MEGF6: variants seen among roughly 807,000 people sequenced by gnomAD.
MEGF6 encodes the protein multiple EGF like domains 6.
A neutral mutation model predicts 207.1 loss-of-function variants in MEGF6; 184 were observed. The observed-to-expected ratio is 0.89, with a 90% CI of 0.79 to 1.00. The LOEUF (loss-of-function observed/expected upper bound fraction) is 1.00, where lower values mean the gene tolerates loss of function less well. MEGF6 is among the 50% of genes least tolerant of loss of function. The pLI is 0.00. For synonymous variants in MEGF6, 1,038 were observed against 910.0 expected (o/e 1.14, Z -2.53); for missense variants, 2,282 against 2,202.9 (o/e 1.04, Z -0.72).
intron 4 of MEGF6, among the ~76,000 whole-genome samples, chr1:3,538,846 G>A (rs956785517): frequency 3.9e-5 from 6 of 152,128 alleles, no homozygotes; most frequent in Admixed American, 6.5e-5. Flanking sequence ...GCACCCGCTG[G>A]GGATGTAGCC....
At chr1:3,511,961 T>C (rs752598866) in intron 8 of MEGF6, 45 bp downstream of exon 8, 13 of 1,610,586 alleles carry the variant, frequency 8.1e-6, no homozygotes, top group Non-Finnish European at 1.1e-5. Context: ...GGGAGCAGCA[T>C]GGCCATCCCG....
intron 4 of MEGF6, among the ~76,000 whole-genome samples, chr1:3,541,741 G>A (rs74518309): frequency 0.01 from 1,525 of 152,086 alleles, 18 homozygotes; most frequent in Middle Eastern, 0.051. Flanking sequence ...GTGAAAGGCC[G>A]AGCCCACAGT....
In MEGF6 at chr1:3,494,104, C is replaced by G; in HGVS notation, c.4150G>C (p.Gly1384Arg). ...CAGCACAACCCCTGGCAGCCAGCCC[C>G]GTGGAAGCCAGGGGGACAGGCTGAA... The part of the protein sequence containing the change: ...CEHPCPPGFH[G>R]AGCQGLCWCQ... The change falls in exon 33 of 37, where the codon GGG (glycine) becomes CGG (arginine). Residue 1384 changes from glycine (G) to arginine (R), a missense_variant. Gly to Arg is a moderately radical substitution (Grantham distance 125). Coordinates refer to ENST00000356575, the MANE Select transcript of MEGF6 (RefSeq NM_001409.4). 1 of 1,577,896 alleles carries G rather than the reference C, an allele frequency of 6.3e-7. No homozygotes were observed. Among genetic ancestry groups the G allele is most frequent in the Non-Finnish European group, 8.6e-7 (1 of 1,160,816 alleles).
chr1:3,595,227 C>G (rs905487683), intron 3 of MEGF6, 111 bp downstream of exon 3: 1 of 707,950 alleles, frequency 1.4e-6, no homozygotes. Flanking sequence ...CTGAGTCTCT[C>G]GTGTTGCTGG....
At chr1:3,584,019 T>C (rs947326091) in intron 3 of MEGF6, among the ~76,000 whole-genome samples, 1 of 152,228 alleles carries the variant, frequency 6.6e-6, no homozygotes, top group African/African-American at 2.4e-5. Flanking sequence ...CCGTGGCCAT[T>C]TGCCAGCTGC....
intron 5 of MEGF6, among the ~76,000 whole-genome samples, chr1:3,517,126 G>C (rs1326785219): frequency 6.6e-6 from 1 of 152,236 alleles, no homozygotes; most frequent in Non-Finnish European, 1.5e-5. Flanking sequence ...GTTCACCGCA[G>C]CAACAGCACC....
upstream of MEGF6, among the ~76,000 whole-genome samples, chr1:3,612,965 G>A (rs1438587887): frequency 6.6e-6 from 1 of 152,212 alleles, no homozygotes; most frequent in Non-Finnish European, 1.5e-5. Context: ...CTTGTGAACT[G>A]CAGATCCGGG....
At chr1:3,515,129 C>G (rs554640749) in intron 6 of MEGF6, among the ~76,000 whole-genome samples, 10 of 152,224 alleles carry the variant, frequency 6.6e-5, no homozygotes, top group Non-Finnish European at 1.0e-4. Flanking sequence ...CAAAGCCCCC[C>G]CTTTCCACGC....
chr1:3,504,887 G>A (rs1298444653), intron 17 of MEGF6, among the ~76,000 whole-genome samples: 2 of 152,228 alleles, frequency 1.3e-5, no homozygotes, highest in African/African-American at 4.8e-5. Context: ...AGCCCAGTCT[G>A]TTCTGGTCAA....
At chr1:3,520,212 A>C (rs1641692283) in intron 5 of MEGF6, among the ~76,000 whole-genome samples, 1 of 152,214 alleles carries the variant, frequency 6.6e-6, no homozygotes, top group Non-Finnish European at 1.5e-5. Flanking sequence ...GGGAACAGCC[A>C]TGTCCAAGGC....
the MEGF6 span, among the ~76,000 whole-genome samples, chr1:3,620,455 G>A: frequency 2.6e-5 from 4 of 152,238 alleles, no homozygotes; most frequent in Admixed American, 6.5e-5. Flanking sequence ...GGCGGAGCCC[G>A]TAGGTGTGCA....
At chr1:3,619,562 TAGTC>T in the MEGF6 span, among the ~76,000 whole-genome samples, 1 of 149,268 alleles carries the variant, frequency 6.7e-6, no homozygotes, top group African/African-American at 2.5e-5. Context: ...GTTCTCGTGA[TAGTC>T]AGTTCTCAGG....
chr1:3,528,134 C>T (rs1287450676), intron 4 of MEGF6, among the ~76,000 whole-genome samples: 2 of 152,230 alleles, frequency 1.3e-5, no homozygotes, highest in African/African-American at 4.8e-5. Context: ...GATTTGGGGC[C>T]TCCCACTTGG....
chr1:3,596,834 G>A (rs970863812), intron 2 of MEGF6, among the ~76,000 whole-genome samples: 1 of 152,056 alleles, frequency 6.6e-6, no homozygotes, highest in African/African-American at 2.4e-5. Flanking sequence ...CACCCTGAGT[G>A]GGACAGCTAC....
At chr1:3,564,655 C>T (rs1036106567) in intron 4 of MEGF6, among the ~76,000 whole-genome samples, 2 of 152,166 alleles carry the variant, frequency 1.3e-5, no homozygotes, top group African/African-American at 4.8e-5. Context: ...CCGCCTTCCT[C>T]GACCTCCAAT....
intron 3 of MEGF6, among the ~76,000 whole-genome samples, chr1:3,586,175 TG>T (rs1365418149): frequency 6.7e-6 from 1 of 149,938 alleles, no homozygotes; most frequent in Admixed American, 6.6e-5. Context: ...GTCCTGTGTG[TG>T]GGTGTGAGTG....
At chr1:3,505,387 C>T (rs766690037) in intron 16 of MEGF6, 35 bp downstream of exon 16, 51 of 1,596,586 alleles carry the variant, frequency 3.2e-5, no homozygotes, top group Middle Eastern at 1.7e-4. Flanking sequence ...CCGACCCTGG[C>T]GCCCCCCGCC....
At chr1:3,605,749 CACTT>C (rs1258889543) in intron 1 of MEGF6, among the ~76,000 whole-genome samples, 5 of 152,050 alleles carry the variant, frequency 3.3e-5, no homozygotes, top group African/African-American at 4.8e-5. Flanking sequence ...CACACACACT[CACTT>C]ACACACTTTG....
rs553575884 is a variant in MEGF6, at chr1:3,595,396, G to A, written c.318C>T (p.Thr106=). ...TCCACCCTCGGCAGCACCTGAGCAC[G>A]GTCCGGGCCTCCGTGGTATACACCT... ...YRQVYTTEAR[T]VLRCCRGWMQ... The change falls in exon 3 of 37, where the codon ACC becomes ACT. Residue 106 remains threonine, a synonymous_variant. Transcript: ENST00000356575. 1.8e-5 allele frequency: 29 copies of A among 1,612,530 alleles called. No individual in the cohort carries two copies. Among genetic ancestry groups the A allele is most frequent in the East Asian group, 2.2e-5 (1 of 44,844 alleles).
Sources: allele counts gnomAD v4.1 joint callset (sites outside exome capture counted in the v4.1 genomes callset), GRCh38; gene constraint gnomAD v4.1.1; transcripts MANE v1.5; gene names NCBI Gene and HGNC (gene_info 2026-07-23, HGNC 2026-07-21).